Variants in DAGLA observed in about 807,000 individuals in gnomAD.
DAGLA encodes diacylglycerol lipase alpha.
Under a neutral mutation model 102.6 loss-of-function variants are expected in DAGLA, and 22 were observed. The ratio of observed to expected loss-of-function variants is 0.21; its 90% CI spans 0.15 to 0.31. The LOEUF is 0.31. Among genes scored for constraint, DAGLA ranks in the 10% least tolerant of loss-of-function variants. DAGLA has a pLI of 1.00. For missense variants in DAGLA, 927 were observed against 1,446.6 expected, an observed-to-expected ratio of 0.64 and a Z score of 5.83; for synonymous variants, 578 against 628.9, an observed-to-expected ratio of 0.92 and a Z score of 1.21.
chr11:61,728,868 T>C (rs914431488), intron 7 of DAGLA, 63 bp from the exon 8 acceptor site: 2 of 1,488,738 alleles, frequency 1.3e-6, no homozygotes, highest in Non-Finnish European at 1.9e-6. Context: ...CTGGGCCCCC[T>C]TTCCCAGCCA....
rs778709521 is a variant in DAGLA, at chr11:61,737,801, C to T, written c.1583+46C>T. On this transcript the variant is annotated intron_variant, in intron 15 of 19. Coordinates refer to ENST00000257215, the MANE Select transcript of DAGLA (RefSeq NM_006133.3). ...CATGGTCCCTTGCCAGGCTGTTCCT[C>T]CCTCCTCCAGGCCTCTCCCCACCCC... The T allele has an allele frequency of 2.6e-6, 4 of 1,550,454 alleles. No homozygotes were observed. In the Middle Eastern group the frequency reaches 6.7e-4, roughly 260 times the overall value.
chr11:61,691,477 C>T (rs1024900850), intron 1 of DAGLA, among the ~76,000 whole-genome samples: 2 of 152,230 alleles, frequency 1.3e-5, no homozygotes. Flanking sequence ...TTCTTCCGCC[C>T]GAGTTCCCAC....
At chr11:61,722,268 G>A (rs187300964) in intron 3 of DAGLA, among the ~76,000 whole-genome samples, 1 of 152,354 alleles carries the variant, frequency 6.6e-6, no homozygotes, top group Non-Finnish European at 1.5e-5. Flanking sequence ...CCACAGTTCA[G>A]ACATGATTCT....
chr11:61,741,098 A>G (rs999639392), intron 18 of DAGLA, 64 bp from the exon 19 acceptor site: 29 of 1,468,358 alleles, frequency 2.0e-5, no homozygotes, highest in Non-Finnish European at 2.4e-5. Flanking sequence ...CTGGCTCCAC[A>G]TCGGCCCCAC....
chr11:61,717,865 G>A lies in DAGLA; in HGVS notation c.-44-2247G>A, dbSNP rs548372109. Among the ~76,000 whole-genome samples, 33 of 152,324 alleles carry A rather than the reference G, an allele frequency of 2.2e-4. No individual in the cohort carries two copies. The East Asian group carries it at 4.1e-3, about 19-fold the overall frequency. ...TTACCACTGGTCATATCCCTCCAGC[G>A]TCTTGACAGTCCTTCAGCCACCTCA... On this transcript the variant is annotated intron_variant, in intron 1 of 19. Transcript: ENST00000257215.
chr11:61,685,927 A>G (rs2135546715), intron 1 of DAGLA, among the ~76,000 whole-genome samples: 1 of 152,204 alleles, frequency 6.6e-6, no homozygotes, highest in South Asian at 2.1e-4. Flanking sequence ...AATGAGCTGG[A>G]GCTGGGTCCC....
chr11:61,692,178 C>T (rs187541502), intron 1 of DAGLA, among the ~76,000 whole-genome samples: 60 of 152,284 alleles, frequency 3.9e-4, no homozygotes, highest in African/African-American at 7.9e-4. Flanking sequence ...CAGGTGCCCA[C>T]GTGGCCCATG....
Position 61,743,896 on chromosome 11 carries a change from C to T in DAGLA, c.2536C>T (p.Leu846=), listed in dbSNP as rs1379383552. 9 of 1,612,270 alleles carry T rather than the reference C, an allele frequency of 5.6e-6. No homozygotes were observed. Among genetic ancestry groups the T allele is most frequent in the East Asian group, 2.2e-5 (1 of 44,886 alleles). Residue 846 remains leucine, a synonymous_variant, in exon 20 of 20, where the codon CTG becomes TTG. Transcript: ENST00000257215. The part of the protein sequence containing the change: ...SRTELLAADS[L]SKHSQDTQPL... ...CACTGAGCTGCTGGCGGCCGACAGC[C>T]TGTCCAAGCACTCACAGGACACGCA...
rs149948059 is a variant in DAGLA at position 61,730,268 on chromosome 11, G to A, written c.850-1049G>A. Among the ~76,000 whole-genome samples, 6 of 151,958 alleles carry A rather than the reference G, an allele frequency of 3.9e-5. No homozygotes were observed. In the East Asian group the frequency reaches 5.8e-4, roughly 15 times the overall value. ...CTCCCTCCCACTCCTCACAGGGAGC[G>A]GGGAGGGCAGGCAGCTGTGACTCCC... On this transcript the variant is annotated intron_variant, in intron 8 of 19. Transcript: ENST00000257215.
intron 1 of DAGLA, among the ~76,000 whole-genome samples, chr11:61,717,719 G>A (rs1399781567): frequency 1.3e-5 from 2 of 152,198 alleles, no homozygotes; most frequent in Non-Finnish European, 2.9e-5. Flanking sequence ...ACTGGTGCAG[G>A]CCTGTCACTG....
chr11:61,715,461 T>TC (rs1347115617), intron 1 of DAGLA, among the ~76,000 whole-genome samples: 3 of 151,996 alleles, frequency 2.0e-5, no homozygotes, highest in African/African-American at 4.8e-5. Flanking sequence ...AGTACCTTCT[T>TC]CCCCCCCATC....
intron 1 of DAGLA, among the ~76,000 whole-genome samples, chr11:61,687,261 G>A (rs1412693248): frequency 6.6e-6 from 1 of 151,860 alleles, no homozygotes; most frequent in Admixed American, 6.6e-5. Context: ...CTGTCCATAC[G>A]CCACCTCTCC....
At chr11:61,721,440 G>A (rs2065281987) in intron 3 of DAGLA, among the ~76,000 whole-genome samples, 1 of 152,196 alleles carries the variant, frequency 6.6e-6, no homozygotes, top group Middle Eastern at 3.2e-3. Flanking sequence ...CATTCAGTAA[G>A]GTATTGTCTC....
intron 1 of DAGLA, among the ~76,000 whole-genome samples, chr11:61,716,488 G>A (rs1205905035): frequency 6.6e-6 from 1 of 152,016 alleles, no homozygotes; most frequent in Non-Finnish European, 1.5e-5. Context: ...TGTTTGGGGT[G>A]TCGAGAAAGA....
chr11:61,731,440 T>C lies in DAGLA; in HGVS notation c.973T>C (p.Ser325Pro). The change falls in exon 9 of 20, where the codon TCG becomes CCG. Residue 325 changes from serine (S) to proline (P), a missense_variant and splice_region_variant. This residue lies in a region of DAGLA where 44 missense variants were observed against 44.0 expected (regional missense o/e 1.00). Transcript: ENST00000257215. ...CCTCTGCCAACTGGCTCGGTCCTGC[T>C]CGTGAGTACCCCTGTCCCATCCCCC... ...CGLCQLARSC[S>P]CCLCPARPRF... The C allele has an allele frequency of 6.2e-7, 1 of 1,613,430 alleles. No homozygotes were observed. Among genetic ancestry groups the C allele is most frequent in the Non-Finnish European group, 8.5e-7 (1 of 1,179,964 alleles).
intron 1 of DAGLA, among the ~76,000 whole-genome samples, chr11:61,682,479 C>T (rs1298697769): frequency 6.6e-6 from 1 of 152,130 alleles, no homozygotes; most frequent in Non-Finnish European, 1.5e-5. Flanking sequence ...TGAGCTGGAA[C>T]CAGGCCCCCG....
rs984060383 is a variant in DAGLA, at chr11:61,737,380, A to G, written c.1514+56A>G. ...GGGCAGTTGGGACCAGTGGAGGCTG[A>G]GGGTTGGCTGGTGCTAGGGGCTGGA... On this transcript the variant is annotated intron_variant, in intron 14 of 19. Transcript: ENST00000257215. The G allele has an allele frequency of 3.1e-6, 5 of 1,600,908 alleles. No individual in the cohort carries two copies. The Admixed American group carries it at 8.3e-5, about 27-fold the overall frequency.
chr11:61,720,142 CA>C lies in DAGLA; in HGVS notation c.-13del. On this transcript the variant is annotated 5_prime_UTR_variant, in exon 2 of 20. Transcript: ENST00000257215. The stretch of plus-strand genomic sequence containing the variant: ...GAGCACCAGGCCCACTGAGCCTCTG[CA>C]GAGCCACCAGCCATGCCCGGGATCG... 1 of 1,611,026 alleles carries C rather than the reference CA, an allele frequency of 6.2e-7. No homozygotes were observed. The highest frequency in any genetic ancestry group is 1.1e-5 in the South Asian group (1 of 91,076).
rs1006903391 is a variant in DAGLA at position 61,744,944 on chromosome 11, G to C, written c.*455G>C. Reference sequence around the variant, plus strand: ...CCGGCATCGTCCTGGCCACCCCCCAGATCTGGTGCCTGCTGGCCGGCCCCC... The same window carrying C: ...CCGGCATCGTCCTGGCCACCCCCCACATCTGGTGCCTGCTGGCCGGCCCCC... On this transcript the variant is annotated 3_prime_UTR_variant, in exon 20 of 20. Transcript: ENST00000257215. 4.2e-5 allele frequency: 7 copies of C among 168,088 alleles called. No individual in the cohort carries two copies. In the East Asian group the frequency reaches 1.2e-3, roughly 30 times the overall value. The allele number at this position is 168,088 out of a possible 1,614,324, so 10.4% of individuals were successfully genotyped here.
Sources: allele counts gnomAD v4.1 joint callset (sites outside exome capture counted in the v4.1 genomes callset), GRCh38; gene constraint gnomAD v4.1.1; regional missense constraint gnomAD v4.1.1; transcripts MANE v1.5; gene names NCBI Gene and HGNC (gene_info 2026-07-23, HGNC 2026-07-21).